SIM1: variants seen among roughly 807,000 people sequenced by gnomAD.
SIM1 encodes the protein SIM bHLH transcription factor 1, also known as single-minded homolog 1.
In SIM1, 18 loss-of-function variants were observed where a neutral mutation model predicts 78.2. The observed-to-expected ratio is 0.23, with a 90% CI of 0.16 to 0.34. The LOEUF is 0.34. Among genes scored for constraint, SIM1 ranks in the 10% least tolerant of loss-of-function variants. The pLI, the probability that SIM1 is intolerant of heterozygous loss-of-function variation, is 1.00. For synonymous variants in SIM1, 417 were observed against 385.2 expected, an observed-to-expected ratio of 1.08 and a Z score of -0.97; for missense variants, 939 against 975.1, an observed-to-expected ratio of 0.96 and a Z score of 0.49.
At chr6:100,450,688 TCTCTCTCTCACA>T (rs1436607136) in intron 3 of SIM1, among the ~76,000 whole-genome samples, 58 of 97,936 alleles carry the variant, frequency 5.9e-4, no homozygotes, top group African/African-American at 2.4e-3. Context: ...TCTCTCTCTC[TCTCTCTCTCACA>T]CACACACACA....
At chr6:100,448,896 A>C (rs1772435996) in intron 6 of SIM1, among the ~76,000 whole-genome samples, 1 of 152,226 alleles carries the variant, frequency 6.6e-6, no homozygotes, top group African/African-American at 2.4e-5. Flanking sequence ...TACAAAATGC[A>C]GAAGCCTGGC....
chr6:100,412,729 A>AAG (rs1459050074), intron 10 of SIM1, among the ~76,000 whole-genome samples: 1 of 141,126 alleles, frequency 7.1e-6, no homozygotes, highest in African/African-American at 2.8e-5. Context: ...GAAAGAAAGA[A>AAG]AGAAAGAAAG....
chr6:100,420,903 G>A lies in SIM1; in HGVS notation c.1054C>T (p.Pro352Ser), dbSNP rs3734354. 450 of 1,613,672 alleles carry A rather than the reference G, an allele frequency of 2.8e-4. No individual in the cohort carries two copies. Among genetic ancestry groups the A allele is most frequent in the Non-Finnish European group, 3.6e-4 (426 of 1,179,878 alleles). ...LSLDQISASK[P>S]AFSYTSSSTP... ...GAGCTGCTGGTATAGGAGAAGGCTG[G>A]TTTGGAGGCTGAGATCTGATCCAGG... The change falls in exon 10 of 12, where the codon CCA (proline) becomes TCA (serine). Residue 352 changes from proline (P) to serine (S), a missense_variant. Around this residue, in one of 5 missense-constraint regions of SIM1, gnomAD observed 556 missense variants for 521.9 expected, o/e 1.07. Transcript: ENST00000369208.
chr6:100,464,196 C>G (rs73494628), intron 1 of SIM1, among the ~76,000 whole-genome samples: 1 of 152,214 alleles, frequency 6.6e-6, no homozygotes, highest in Admixed American at 6.5e-5. Context: ...TCTGAAGACC[C>G]GCAAGGGATC....
rs2114539038 is a variant in SIM1 at position 100,447,421 on chromosome 6, G to A, written c.851-6C>T. ...CACCTGTCCCTTCACCAGCACTGAC[G>A]GAGAGACAGGAGGCAGATGGTGGTG... On this transcript the variant is annotated splice_region_variant and splice_polypyrimidine_tract_variant and intron_variant, in intron 8 of 11. Coordinates refer to ENST00000369208, the MANE Select transcript of SIM1 (RefSeq NM_005068.3). 1 of 1,614,152 alleles carries A rather than the reference G, an allele frequency of 6.2e-7. No homozygotes were observed. Among genetic ancestry groups the A allele is most frequent in the Non-Finnish European group, 8.5e-7 (1 of 1,180,000 alleles).
chr6:100,387,484 T>C lies in SIM1; in HGVS notation c.*2877A>G, dbSNP rs967564550. 2.6e-5 allele frequency: 4 copies of C among 152,078 alleles called. No homozygotes were observed. Among genetic ancestry groups the C allele is most frequent in the Non-Finnish European group, 4.4e-5 (3 of 67,924 alleles). 9.4% of individuals were successfully genotyped at this position (152,078 alleles called of 1,614,324 possible). On this transcript the variant is annotated 3_prime_UTR_variant, in exon 12 of 12. Coordinates refer to ENST00000369208, the MANE Select transcript of SIM1 (RefSeq NM_005068.3). ...ATTAAGAAAGTACATTGTCATCAAA[T>C]GTCTTAACTTACCTTGGGTCATTTT...
chr6:100,385,944 C>A lies in SIM1; in HGVS notation c.*4417G>T, dbSNP rs562179431. ...CCAACAATATTTTCTATGTCTGATA[C>A]CTTTTGCATGTGTCCATAACTGTTG... On this transcript the variant is annotated 3_prime_UTR_variant, in exon 12 of 12. Coordinates refer to ENST00000369208, the MANE Select transcript of SIM1 (RefSeq NM_005068.3). The A allele has an allele frequency of 6.6e-6, 1 of 151,962 alleles. No individual in the cohort carries two copies. The highest frequency in any genetic ancestry group is 1.5e-5 in the Non-Finnish European group (1 of 67,864). 9.4% of individuals were successfully genotyped at this position (151,962 alleles called of 1,614,324 possible). A position where few individuals can be genotyped will look rare whatever the true frequency, so the allele number is the denominator to read the frequency against.
Position 100,393,695 on chromosome 6 carries a change from C to T in SIM1, c.1362G>A (p.Ser454=). Residue 454 remains serine, a synonymous_variant, in exon 11 of 12, where the codon TCG becomes TCA. Coordinates refer to ENST00000369208, the MANE Select transcript of SIM1 (RefSeq NM_005068.3). ...SLCYGFALDH[S]RLVEERHFHT... Reference sequence around the variant, plus strand: ...GGAAATGCCTCTCTTCCACCAGCCTCGAGTGGTCAAGCGCAAAGCCATAGC... The same window carrying T: ...GGAAATGCCTCTCTTCCACCAGCCTTGAGTGGTCAAGCGCAAAGCCATAGC... The T allele has an allele frequency of 3.1e-6, 5 of 1,613,962 alleles. No individual in the cohort carries two copies. The highest frequency in any genetic ancestry group is 1.3e-5 in the African/African-American group (1 of 74,942).
intron 9 of SIM1, among the ~76,000 whole-genome samples, chr6:100,432,894 C>T (rs1039981544): frequency 1.3e-5 from 2 of 152,174 alleles, no homozygotes; most frequent in Non-Finnish European, 2.9e-5. Flanking sequence ...CTCATTGCTG[C>T]CTCTGCCTGC....
rs181424559 is a variant in SIM1, at chr6:100,410,400, G to A, written c.1167+10390C>T. The stretch of plus-strand genomic sequence containing the variant: ...TTGATTTAGCACAGTTGCTCCACCC[G>A]CTGCCTGATTTCTTTTTTGACACTA... On this transcript the variant is annotated intron_variant, in intron 10 of 11. Coordinates refer to ENST00000369208, the MANE Select transcript of SIM1 (RefSeq NM_005068.3). Among the ~76,000 whole-genome samples, 55 of 152,202 alleles carry A rather than the reference G, an allele frequency of 3.6e-4. No individual in the cohort carries two copies. In the East Asian group the frequency reaches 9.5e-3, roughly 26 times the overall value.
chr6:100,461,656 T>C (rs1772850275), intron 2 of SIM1, among the ~76,000 whole-genome samples: 1 of 152,198 alleles, frequency 6.6e-6, no homozygotes, highest in Admixed American at 6.5e-5. Context: ...GAGTTCGCAA[T>C]AGCTTTATTT....
At chr6:100,395,614 C>T (rs902381796) in intron 10 of SIM1, among the ~76,000 whole-genome samples, 1 of 152,304 alleles carries the variant, frequency 6.6e-6, no homozygotes. Flanking sequence ...GGGGTGGGCA[C>T]ATGTGGTGTT....
chr6:100,412,749 AAGAAAAAAG>A (rs1325889830), intron 10 of SIM1, among the ~76,000 whole-genome samples: 10 of 144,534 alleles, frequency 6.9e-5, no homozygotes, highest in African/African-American at 2.5e-4. Context: ...GAAAGAAAGA[AAGAAAAAAG>A]AAAAGAAAAA....
chr6:100,448,089 C>A, intron 8 of SIM1, 57 bp downstream of exon 8: 2 of 1,400,890 alleles, frequency 1.4e-6, no homozygotes, highest in East Asian at 2.4e-5. Flanking sequence ...GCTCCCCCAC[C>A]CCCTAACCAG....
At chr6:100,394,454 G>A (rs1013609398) in intron 10 of SIM1, among the ~76,000 whole-genome samples, 7 of 152,164 alleles carry the variant, frequency 4.6e-5, no homozygotes, top group African/African-American at 1.4e-4. Flanking sequence ...CCCCCAGGCT[G>A]GAGTGCAGTG....
chr6:100,453,911 C>T, intron 2 of SIM1, 67 bp from the exon 3 acceptor site: 1 of 1,235,326 alleles, frequency 8.1e-7, no homozygotes, highest in Non-Finnish European at 1.2e-6. Context: ...GGGACCAAGT[C>T]CCGCGACTGT....
intron 2 of SIM1, among the ~76,000 whole-genome samples, chr6:100,459,508 C>T (rs567626074): frequency 6.6e-6 from 1 of 152,270 alleles, no homozygotes; most frequent in South Asian, 2.1e-4. Context: ...AGAAAAACAG[C>T]CTTAAATCAC....
In SIM1 at chr6:100,412,608, A is replaced by AAAGAAAGAAAGG. The variant is rs1771239322; in HGVS notation, c.1167+8181_1167+8182insCCTTTCTTTCTT. On this transcript the variant is annotated intron_variant, in intron 10 of 11. Coordinates refer to ENST00000369208, the MANE Select transcript of SIM1 (RefSeq NM_005068.3). ...GAAAGAAAGAAAGAAAGAAAGAAAG[A>AAAGAAAGAAAGG]AAGGAAAGAAAGAAGGAAAGAAAGA... is the stretch of plus-strand genomic sequence containing the variant. Among the ~76,000 whole-genome samples the AAAGAAAGAAAGG allele has an allele frequency of 4.8e-5, 5 of 104,648 alleles. 1 individual carries two copies. The highest frequency in any genetic ancestry group is 3.3e-4 in the South Asian group (1 of 3,036). 68.7% of individuals were successfully genotyped at this position (104,648 alleles called of 152,430 possible).
At chr6:100,448,119 AG>A (rs1772410138) in intron 8 of SIM1, 26 bp downstream of exon 8, 1 of 1,579,384 alleles carries the variant, frequency 6.3e-7, no homozygotes, top group African/African-American at 1.3e-5. Context: ...CAAGGTTGCT[AG>A]GGTACGGGGC....
Sources: allele counts gnomAD v4.1 joint callset (sites outside exome capture counted in the v4.1 genomes callset), GRCh38; gene constraint gnomAD v4.1.1; regional missense constraint gnomAD v4.1.1; transcripts MANE v1.5; gene names NCBI Gene and HGNC (gene_info 2026-07-23, HGNC 2026-07-21).